Variants in UNC5CL observed in about 807,000 individuals in gnomAD.
The protein encoded by UNC5CL is unc-5 family C-terminal like.
In UNC5CL, 42 loss-of-function variants were observed where a neutral mutation model predicts 54.1. The observed-to-expected ratio is 0.78, with a 90% CI of 0.61 to 1.00. UNC5CL has a LOEUF of 1.00. UNC5CL is among the 50% of genes least tolerant of loss of function. UNC5CL has a pLI of 0.00. For synonymous variants in UNC5CL, 285 were observed against 285.1 expected (o/e 1.00, Z 0.00); for missense variants, 619 against 675.6 (o/e 0.92, Z 0.93).
At chr6:41,037,551 CCT>C (rs1221071392) in intron 1 of UNC5CL, among the ~76,000 whole-genome samples, 1 of 152,236 alleles carries the variant, frequency 6.6e-6, no homozygotes, top group Non-Finnish European at 1.5e-5. Flanking sequence ...CTTCCTAGTG[CCT>C]CTTAGACCAG....
At chr6:41,036,326 G>C (rs1188173998) in intron 1 of UNC5CL, among the ~76,000 whole-genome samples, 1 of 152,206 alleles carries the variant, frequency 6.6e-6, no homozygotes, top group East Asian at 1.9e-4. Flanking sequence ...ACTTGGGACT[G>C]GCTGTATTTC....
At position 41,034,247 on chromosome 6, in the gene UNC5CL, C is replaced by T; in HGVS notation, c.386-66G>A. 4 of 1,514,238 alleles carry T rather than the reference C, an allele frequency of 2.6e-6. No homozygotes were observed. The East Asian group carries it at 9.2e-5, about 35-fold the overall frequency. 93.8% of individuals were successfully genotyped at this position (1,514,238 alleles called of 1,614,324 possible). ...GGCACACCCCTGCCCCTGAAAGAGG[C>T]CAGGCCAGAGAGAAAGGAGGTGGGG... On this transcript the variant is annotated intron_variant, in intron 2 of 8. Coordinates refer to ENST00000244565, the MANE Select transcript of UNC5CL (RefSeq NM_173561.3).
In UNC5CL at chr6:41,035,106, T is replaced by C. The variant is rs1378575010; in HGVS notation, c.-32A>G. 4 of 1,532,028 alleles carry C rather than the reference T, an allele frequency of 2.6e-6. No homozygotes were observed. The East Asian group carries it at 6.8e-5, about 26-fold the overall frequency. 94.9% of individuals were successfully genotyped at this position (1,532,028 alleles called of 1,614,324 possible). A position where few individuals can be genotyped will look rare whatever the true frequency, so the allele number is the denominator to read the frequency against. On this transcript the variant is annotated 5_prime_UTR_variant, in exon 2 of 9. Coordinates refer to ENST00000244565, the MANE Select transcript of UNC5CL (RefSeq NM_173561.3). ...GGTTACTCAATGCCGCTGGCTCTCC[T>C]TCACCCCTGTGCCAGCCAAAGCCAA... is the stretch of plus-strand genomic sequence containing the variant.
Position 41,036,676 on chromosome 6 carries a change from G to C in UNC5CL, c.-61-1541C>G, listed in dbSNP as rs186872322. Among the ~76,000 whole-genome samples, 184 of 151,532 alleles carry C rather than the reference G, an allele frequency of 1.2e-3. 2 individuals are homozygous for C. In the South Asian group the frequency reaches 0.026, roughly 22 times the overall value. ...TGTGTTTCTTTATGCCCCTCCTTCT[G>C]CCAGAAAGGCCTGAAGGTAGCTCAC... On this transcript the variant is annotated intron_variant, in intron 1 of 8. Transcript: ENST00000244565.
In UNC5CL at chr6:41,029,388, T is replaced by C. The variant is rs546101767; in HGVS notation, c.1335-793A>G. On this transcript the variant is annotated intron_variant, in intron 8 of 8. Transcript: ENST00000244565. The surrounding 1 kb of genome is among the most constrained non-coding windows in gnomAD (Gnocchi z 4.1). ...TCATAACGCCCGCAGTTCATTATTA[T>C]TCTTGCTTCAGCTGTTTTCTGTCTC... 3.7e-4 allele frequency among the ~76,000 whole-genome samples: 56 copies of C among 152,372 alleles called. No homozygotes were observed. The highest frequency in any genetic ancestry group is 1.2e-3 in the African/African-American group (50 of 41,594).
chr6:41,032,529 C>T (rs937910181), intron 4 of UNC5CL, among the ~76,000 whole-genome samples: 3 of 152,148 alleles, frequency 2.0e-5, no homozygotes, highest in Non-Finnish European at 2.9e-5. Context: ...GAGGCCGAGA[C>T]GGGTAGATTA....
intron 6 of UNC5CL, among the ~76,000 whole-genome samples, 197 bp downstream of exon 6, chr6:41,031,484 A>G (rs533141032): frequency 1.1e-4 from 17 of 152,264 alleles, no homozygotes; most frequent in Admixed American, 4.6e-4. Context: ...CCGATAGACA[A>G]GGAGAGTCAG....
At chr6:41,035,382 A>G (rs1056995290) in intron 1 of UNC5CL, among the ~76,000 whole-genome samples, 6 of 152,226 alleles carry the variant, frequency 3.9e-5, no homozygotes, top group African/African-American at 1.4e-4. Flanking sequence ...ATGAGTTCAA[A>G]TGTCACCTTG....
intron 3 of UNC5CL, among the ~76,000 whole-genome samples, chr6:41,033,454 G>A (rs1762480591): frequency 6.6e-6 from 1 of 152,210 alleles, no homozygotes; most frequent in Non-Finnish European, 1.5e-5. Context: ...AGGAGGCTGG[G>A]AGGCAGAGGA....
intron 6 of UNC5CL, 138 bp from the exon 7 acceptor site, chr6:41,030,893 C>T: frequency 1.4e-6 from 1 of 719,350 alleles, no homozygotes; most frequent in Non-Finnish European, 2.4e-6. Flanking sequence ...AGATACAACC[C>T]TGCTCCACCC....
chr6:41,033,931 C>T lies in UNC5CL; in HGVS notation c.636G>A (p.Pro212=), dbSNP rs939516044. The T allele has an allele frequency of 3.3e-5, 53 of 1,613,812 alleles. No homozygotes were observed. The highest frequency in any genetic ancestry group is 1.7e-4 in the Middle Eastern group (1 of 6,054). ...DAKVWRPLGR[P]GAHASRDECR... is the part of the protein sequence containing the mutation. ...ACTCATCCCGGGAGGCGTGGGCCCC[C>T]GGCCGCCCCAGGGGCCTCCATACCT... Residue 212 remains proline, a synonymous_variant, in exon 3 of 9, where the codon CCG becomes CCA. Transcript: ENST00000244565.
chr6:41,033,369 G>C (rs532017709), intron 3 of UNC5CL, among the ~76,000 whole-genome samples: 1 of 152,334 alleles, frequency 6.6e-6, no homozygotes, highest in South Asian at 2.1e-4. Flanking sequence ...GCAGGGGAGA[G>C]AGGGAAAGTG....
At position 41,034,093 on chromosome 6, in the gene UNC5CL, C is replaced by T. The variant is rs770488516; in HGVS notation, c.474G>A (p.Gly158=). 1.9e-6 allele frequency: 3 copies of T among 1,614,040 alleles called. No homozygotes were observed. In the East Asian group the frequency reaches 6.7e-5, roughly 36 times the overall value. The change falls in exon 3 of 9, where the codon GGG becomes GGA. Residue 158 remains glycine (G), a synonymous_variant. Coordinates refer to ENST00000244565, the MANE Select transcript of UNC5CL (RefSeq NM_173561.3). ...SDAPSLSQAQ[G]LVSPVVACGP... is the part of the protein sequence containing the mutation. ...CACATGCCACCACAGGGCTTACCAG[C>T]CCCTGGGCTTGGGACAGCGATGGGG...
At chr6:41,032,741 A>G (rs1762469909) in intron 4 of UNC5CL, 143 bp downstream of exon 4, 1 of 1,299,130 alleles carries the variant, frequency 7.7e-7, no homozygotes. Flanking sequence ...GGCCTGGGCA[A>G]CAGAGCGAAA....
intron 1 of UNC5CL, among the ~76,000 whole-genome samples, chr6:41,037,131 T>C (rs1762535438): frequency 6.6e-6 from 1 of 152,214 alleles, no homozygotes. Flanking sequence ...CACCGGCCTT[T>C]GACAGCCTCC....
rs1033263963 is a variant in UNC5CL, at chr6:41,029,568, T to C, written c.1334+820A>G. ...CTTGTATCATAGTGCTTAGCACAGT[T>C]TCCAGGGCATAATAGGTACTTGATA... On this transcript the variant is annotated intron_variant, in intron 8 of 8. Coordinates refer to ENST00000244565, the MANE Select transcript of UNC5CL (RefSeq NM_173561.3). The surrounding 1 kb of genome is among the most constrained non-coding windows in gnomAD (Gnocchi z 4.1). Among the ~76,000 whole-genome samples, 1 of 152,236 alleles carries C rather than the reference T, an allele frequency of 6.6e-6. No individual in the cohort carries two copies. Among genetic ancestry groups the C allele is most frequent in the Non-Finnish European group, 1.5e-5 (1 of 68,042 alleles).
chr6:41,031,377 GA>G (rs1303113399), intron 6 of UNC5CL, among the ~76,000 whole-genome samples: 1 of 152,170 alleles, frequency 6.6e-6, no homozygotes, highest in African/African-American at 2.4e-5. Flanking sequence ...AATCAGCCTA[GA>G]AAGAAACCAT....
In UNC5CL at chr6:41,034,673, G is replaced by A. The variant is rs763839583; in HGVS notation, c.385+17C>T. 2.6e-5 allele frequency: 42 copies of A among 1,596,712 alleles called. No individual in the cohort carries two copies. In the East Asian group the frequency reaches 9.4e-4, roughly 36 times the overall value. On this transcript the variant is annotated intron_variant, in intron 2 of 8. Transcript: ENST00000244565. ...TCTGACCAACTGTATGCGGAGATGA[G>A]AGCCAGGAGCTGTTACCTGGTGGGA...
In UNC5CL at chr6:41,028,339, C is replaced by T. The variant is rs1462961240; in HGVS notation, c.*34G>A. 2.0e-6 allele frequency: 3 copies of T among 1,527,738 alleles called. No homozygotes were observed. The South Asian group carries it at 3.6e-5, about 18-fold the overall frequency. 94.6% of individuals were successfully genotyped at this position (1,527,738 alleles called of 1,614,324 possible). On this transcript the variant is annotated 3_prime_UTR_variant, in exon 9 of 9. Coordinates refer to ENST00000244565, the MANE Select transcript of UNC5CL (RefSeq NM_173561.3). The surrounding 1 kb of genome is among the most constrained non-coding windows in gnomAD (Gnocchi z 4.3). ...GGCGTAGGAGAACAACCCCTCTCGC[C>T]CCTACACCTCCTCCGGCCCTGCCCG...
Sources: allele counts gnomAD v4.1 joint callset (sites outside exome capture counted in the v4.1 genomes callset), GRCh38; gene constraint gnomAD v4.1.1; non-coding constraint Gnocchi (gnomAD v3.1); transcripts MANE v1.5; gene names NCBI Gene and HGNC (gene_info 2026-07-23, HGNC 2026-07-21).